Variants in MED12L observed in about 807,000 individuals in gnomAD.
MED12L encodes mediator complex subunit 12L.
In MED12L, 60 loss-of-function variants were observed where a neutral mutation model predicts 281.3. That is an observed-to-expected ratio of 0.21 (90% CI 0.17 to 0.26). The LOEUF (loss-of-function observed/expected upper bound fraction) is 0.26, where lower values mean the gene tolerates loss of function less well. Among genes scored for constraint, MED12L ranks in the 10% least tolerant of loss-of-function variants. MED12L has a pLI of 1.00. For missense variants in MED12L, 2,146 were observed against 2,680.9 expected, an observed-to-expected ratio of 0.80 and a Z score of 4.41; for synonymous variants, 974 against 987.2, an observed-to-expected ratio of 0.99 and a Z score of 0.25.
intron 42 of MED12L, among the ~76,000 whole-genome samples, chr3:151,415,840 G>A (rs1374335040): frequency 6.6e-6 from 1 of 151,980 alleles, no homozygotes; most frequent in African/African-American, 2.4e-5. Context: ...AAGGTGTCAT[G>A]GCGACTAGTC....
At position 151,168,287 on chromosome 3, in the gene MED12L, C is replaced by T. The variant is rs1345997789; in HGVS notation, c.1494+2305C>T. Among the ~76,000 whole-genome samples, 6 of 152,196 alleles carry T rather than the reference C, an allele frequency of 3.9e-5. No individual in the cohort carries two copies. The South Asian group carries it at 1.2e-3, about 32-fold the overall frequency. ...TAATTTTCAAAAGCTTCTTTTGTCT[C>T]TGGAAATGAATGTAATTATTATGAT... On this transcript the variant is annotated intron_variant, in intron 11 of 44. Transcript: ENST00000687756.
At position 151,185,611 on chromosome 3, in the gene MED12L, T is replaced by C. The variant is rs948418711; in HGVS notation, c.1626+150T>C. On this transcript the variant is annotated intron_variant, in intron 12 of 44. Transcript: ENST00000687756. ...AAAATTCACATAAGGAAGATTCTTA[T>C]AGTAGAATCTCTCTAAATTGATGCA... The C allele has an allele frequency of 1.4e-5, 11 of 780,830 alleles. No homozygotes were observed. In the African/African-American group the frequency reaches 1.9e-4, roughly 14 times the overall value. 48.4% of individuals were successfully genotyped at this position (780,830 alleles called of 1,614,324 possible). A position where few individuals can be genotyped will look rare whatever the true frequency, so the allele number is the denominator to read the frequency against.
chr3:151,331,671 C>A (rs2149884934), intron 16 of MED12L, among the ~76,000 whole-genome samples: 1 of 152,204 alleles, frequency 6.6e-6, no homozygotes, highest in South Asian at 2.1e-4. Flanking sequence ...AGGAGCCTAT[C>A]AAATGGGAAT....
intron 16 of MED12L, chr3:151,198,567 C>A: frequency 6.2e-7 from 1 of 1,614,028 alleles, no homozygotes; most frequent in South Asian, 1.1e-5. Flanking sequence ...TTCGACACAG[C>A]CAGGAGCAGT....
At chr3:151,315,025 T>A (rs1408500696) in intron 16 of MED12L, among the ~76,000 whole-genome samples, 1 of 152,132 alleles carries the variant, frequency 6.6e-6, no homozygotes, top group African/African-American at 2.4e-5. Flanking sequence ...GGGGGATGCT[T>A]CTAGGGAGGT....
At chr3:151,141,089 G>T (rs371940917) in intron 5 of MED12L, among the ~76,000 whole-genome samples, 1 of 151,610 alleles carries the variant, frequency 6.6e-6, no homozygotes, top group South Asian at 2.1e-4. Context: ...TGATGGTCTC[G>T]ATCTCCTGAC....
At chr3:151,377,339 T>A (rs531954594) in intron 30 of MED12L, among the ~76,000 whole-genome samples, 161 bp downstream of exon 30, 2 of 152,160 alleles carry the variant, frequency 1.3e-5, no homozygotes, top group South Asian at 4.1e-4. Flanking sequence ...AAAGCTGGGG[T>A]GAATGATAGC....
intron 20 of MED12L, among the ~76,000 whole-genome samples, chr3:151,360,073 G>C (rs1322521971): frequency 6.6e-6 from 1 of 152,152 alleles, no homozygotes; most frequent in Non-Finnish European, 1.5e-5. Context: ...TTGAAGCATT[G>C]CTCCTTTACA....
At chr3:151,305,970 A>T (rs1746581522) in intron 16 of MED12L, among the ~76,000 whole-genome samples, 2 of 152,130 alleles carry the variant, frequency 1.3e-5, no homozygotes, top group Non-Finnish European at 2.9e-5. Context: ...CCTCTTCCTG[A>T]TGGGGAAGTG....
intron 21 of MED12L, among the ~76,000 whole-genome samples, chr3:151,362,521 G>A (rs1340461733): frequency 6.6e-6 from 1 of 151,944 alleles, no homozygotes; most frequent in African/African-American, 2.4e-5. Context: ...GTCTCCCTGA[G>A]CACACCATTT....
At chr3:151,139,066 A>G (rs960513002) in intron 5 of MED12L, among the ~76,000 whole-genome samples, 2 of 152,106 alleles carry the variant, frequency 1.3e-5, no homozygotes, top group Non-Finnish European at 2.9e-5. Flanking sequence ...TTCTATCAGT[A>G]TTGATTCATA....
chr3:151,400,528 GA>G (rs1715541815), intron 39 of MED12L, among the ~76,000 whole-genome samples: 1 of 152,178 alleles, frequency 6.6e-6, no homozygotes, highest in African/African-American at 2.4e-5. Flanking sequence ...GACTTGTAAA[GA>G]GGTTAGGTTA....
At chr3:151,259,518 A>T (rs1477519226) in intron 16 of MED12L, among the ~76,000 whole-genome samples, 1 of 152,222 alleles carries the variant, frequency 6.6e-6, no homozygotes, top group African/African-American at 2.4e-5. Flanking sequence ...GTCTCAGGCA[A>T]ACTGGGGTAT....
At chr3:151,149,728 C>CT (rs1485757470) in intron 5 of MED12L, among the ~76,000 whole-genome samples, 4 of 152,216 alleles carry the variant, frequency 2.6e-5, no homozygotes, top group African/African-American at 9.6e-5. Context: ...CTCTCAAACT[C>CT]TGCTACTGTT....
intron 16 of MED12L, among the ~76,000 whole-genome samples, chr3:151,215,850 C>A (rs981558359): frequency 1.3e-5 from 2 of 152,188 alleles, no homozygotes; most frequent in Admixed American, 1.3e-4. Flanking sequence ...TGTCCTGGGC[C>A]CATCTGCCTC....
intron 25 of MED12L, among the ~76,000 whole-genome samples, chr3:151,368,640 ATT>A (rs1755667800): frequency 1.8e-5 from 1 of 56,540 alleles, no homozygotes; most frequent in African/African-American, 8.3e-5. Context: ...ATTTCATTTC[ATT>A]TCATTTCATT....
chr3:151,165,941 C>G lies in MED12L; in HGVS notation c.1453C>G (p.His485Asp), dbSNP rs376593902. ...CAGCAATTCCATGGAGACACTTTAT[C>G]ATAAGATTTTCTGGGCAAACCAAAA... Reference protein sequence around the residue: ...DSSNSMETLYHKIFWANQNKD... With the variant: ...DSSNSMETLYDKIFWANQNKD... Residue 485 changes from histidine to aspartate, a missense_variant, in exon 11 of 45, where the codon CAT (histidine) becomes GAT (aspartate). His to Asp is a moderately conservative substitution (Grantham distance 81). Transcript: ENST00000687756. 6.2e-6 allele frequency: 10 copies of G among 1,613,526 alleles called. No individual in the cohort carries two copies. The Admixed American group carries it at 1.7e-4, about 27-fold the overall frequency.
chr3:151,150,213 A>G (rs929680037), intron 5 of MED12L, among the ~76,000 whole-genome samples: 3 of 152,250 alleles, frequency 2.0e-5, no homozygotes, highest in African/African-American at 7.2e-5. Flanking sequence ...AATATTTGAA[A>G]GTCAAAATTA....
intron 9 of MED12L, 78 bp from the exon 10 acceptor site, chr3:151,165,342 C>A: frequency 8.8e-7 from 1 of 1,133,368 alleles, no homozygotes; most frequent in Non-Finnish European, 1.3e-6. Context: ...ACTTTACTCA[C>A]GTGGAAAAAC....
Sources: allele counts gnomAD v4.1 joint callset (sites outside exome capture counted in the v4.1 genomes callset), GRCh38; gene constraint gnomAD v4.1.1; transcripts MANE v1.5; gene names NCBI Gene and HGNC (gene_info 2026-07-23, HGNC 2026-07-21).